The following ZNF541 variants were observed in gnomAD, a reference collection of about 807,000 sequenced individuals.
ZNF541 encodes the protein zinc finger protein 541.
Under a neutral mutation model 123.5 loss-of-function variants are expected in ZNF541, and 23 were observed. That is an observed-to-expected ratio of 0.19 (90% CI 0.13 to 0.26). The LOEUF (loss-of-function observed/expected upper bound fraction) is 0.26. Among genes scored for constraint, ZNF541 ranks in the 10% least tolerant of loss-of-function variants. The probability of loss-of-function intolerance (pLI) is 1.00; values close to 1 mark genes in which losing one functional copy is unlikely to be tolerated. For synonymous variants in ZNF541, 751 were observed against 754.5 expected (o/e 1.00, Z 0.08); for missense variants, 1,612 against 1,789.9 (o/e 0.90, Z 1.79).
chr19:47,565,288 T>G (rs1971219371), intron 2 of ZNF541, among the ~76,000 whole-genome samples: 1 of 151,354 alleles, frequency 6.6e-6, no homozygotes, highest in Non-Finnish European at 1.5e-5. Flanking sequence ...TACCACCTGT[T>G]CCCCCAAAAT....
In ZNF541 at chr19:47,545,977, G is replaced by T; in HGVS notation, c.552C>A (p.Thr184=). The T allele has an allele frequency of 1.4e-6, 2 of 1,466,862 alleles. No individual in the cohort carries two copies. The highest frequency in any genetic ancestry group is 1.4e-5 in the African/African-American group (1 of 70,760). The allele number at this position is 1,466,862 out of a possible 1,614,324, so 90.9% of individuals were successfully genotyped here. Residue 184 remains threonine, a synonymous_variant, in exon 5 of 17, where the codon ACC becomes ACA. Transcript: ENST00000391901. This position sits in a 1 kb window ranked among gnomAD's most constrained non-coding sequence, Gnocchi z 7.5. ...SKAFKRQDHL[T]GHMLTHQKTK... The stretch of plus-strand genomic sequence containing the variant: ...TCTTCTGGTGGGTGAGCATGTGCCC[G>T]GTCCTGGAGCCAGACACAAGCAGGG...
At chr19:47,526,006 A>G (rs1408150675) in intron 14 of ZNF541, among the ~76,000 whole-genome samples, 1 of 152,024 alleles carries the variant, frequency 6.6e-6, no homozygotes, top group Non-Finnish European at 1.5e-5. Flanking sequence ...TAGATACAAC[A>G]CCAAAAGCAC....
At chr19:47,552,639 A>C (rs2123251734) in intron 3 of ZNF541, among the ~76,000 whole-genome samples, 1 of 141,924 alleles carries the variant, frequency 7.0e-6, no homozygotes, top group South Asian at 2.3e-4. Flanking sequence ...GCTACTAGGG[A>C]GGCTGAGGCA....
intron 4 of ZNF541, among the ~76,000 whole-genome samples, chr19:47,548,877 A>G (rs949677477): frequency 4.6e-5 from 7 of 152,142 alleles, no homozygotes; most frequent in Non-Finnish European, 1.0e-4. Context: ...GGAGTTCAAG[A>G]TCAGCCTGGC....
intron 5 of ZNF541, among the ~76,000 whole-genome samples, chr19:47,541,723 C>G (rs974491002): frequency 1.3e-5 from 2 of 152,198 alleles, no homozygotes; most frequent in Non-Finnish European, 2.9e-5. Flanking sequence ...TCACACCCGC[C>G]AGGGTAGTTA....
chr19:47,540,158 C>T lies in ZNF541; in HGVS notation c.2622+18G>A, dbSNP rs1453227992. The T allele has an allele frequency of 1.3e-6, 2 of 1,545,324 alleles. No homozygotes were observed. The highest frequency in any genetic ancestry group is 2.0e-5 in the Admixed American group (1 of 50,376). On this transcript the variant is annotated intron_variant, in intron 7 of 16. Coordinates refer to ENST00000391901, the MANE Select transcript of ZNF541 (RefSeq NM_001277075.3). ...CAGAAACCCAGTAACCACCAAGCCA[C>T]TGGTCGTCCCCCTTCACCTGCGGTT...
At chr19:47,554,155 A>G (rs1331129220) in intron 3 of ZNF541, among the ~76,000 whole-genome samples, 1 of 152,234 alleles carries the variant, frequency 6.6e-6, no homozygotes, top group East Asian at 1.9e-4. Context: ...AAGTGAGGTC[A>G]GGTGTGGTGG....
intron 2 of ZNF541, among the ~76,000 whole-genome samples, chr19:47,564,315 C>A (rs1568523023): frequency 6.6e-6 from 1 of 152,220 alleles, no homozygotes; most frequent in Non-Finnish European, 1.5e-5. Flanking sequence ...GTCCAAAGGC[C>A]ATGCCTTGAT....
chr19:47,521,262 C>T lies in ZNF541; in HGVS notation c.4003G>A (p.Glu1335Lys), dbSNP rs1400209786. 3.2e-6 allele frequency: 5 copies of T among 1,551,780 alleles called. No individual in the cohort carries two copies. Among genetic ancestry groups the T allele is most frequent in the East Asian group, 2.4e-5 (1 of 40,928 alleles). ...GGGCCGATGTCAGCTCCCAGCTCCT[C>T]TTCCTTTAGCTGGAAGGGCTTCACT... ...WPVKPFQLKE[E>K]ELGADIGPLQ... Residue 1335 changes from glutamate (E) to lysine (K), a missense_variant, in exon 17 of 17, where the codon GAG (glutamate) becomes AAG (lysine). Glu to Lys is a moderately conservative substitution (Grantham distance 56, BLOSUM62 1). Around this residue, in one of 5 missense-constraint regions of ZNF541, gnomAD observed 30 missense variants for 48.9 expected, o/e 0.61. Transcript: ENST00000391901. The surrounding 1 kb of genome is among the most constrained non-coding windows in gnomAD (Gnocchi z 4.2).
intron 4 of ZNF541, among the ~76,000 whole-genome samples, chr19:47,548,167 G>C (rs138713781): frequency 6.6e-6 from 1 of 150,886 alleles, no homozygotes; most frequent in East Asian, 1.9e-4. Context: ...AGCTGGGGCC[G>C]GGTGCGGTGG....
intron 2 of ZNF541, among the ~76,000 whole-genome samples, chr19:47,559,607 T>C (rs189990913): frequency 1.3e-5 from 2 of 152,078 alleles, no homozygotes; most frequent in East Asian, 1.9e-4. Flanking sequence ...CGCAGCACTT[T>C]AGGAGGCCGA....
Position 47,544,471 on chromosome 19 carries a change from G to A in ZNF541, c.2058C>T (p.Thr686=), listed in dbSNP as rs1420450464. 1.9e-6 allele frequency: 3 copies of A among 1,551,616 alleles called. No individual in the cohort carries two copies. In the African/African-American group the frequency reaches 4.1e-5, roughly 21 times the overall value. Residue 686 remains threonine (T), a synonymous_variant, in exon 5 of 17, where the codon ACC becomes ACT. Coordinates refer to ENST00000391901, the MANE Select transcript of ZNF541 (RefSeq NM_001277075.3). Reference sequence around the variant, plus strand: ...AGGGGAAGATGTCCTCCAGGTCCAAGGTCCCTTTAGAGGATCGCAGCTGCT... The same window carrying A: ...AGGGGAAGATGTCCTCCAGGTCCAAAGTCCCTTTAGAGGATCGCAGCTGCT... ...LAKQLRSSKG[T]LDLEDIFPST... is the part of the protein sequence containing the mutation.
Position 47,545,463 on chromosome 19 carries a change from T to C in ZNF541, c.1066A>G (p.Arg356Gly). 1.4e-6 allele frequency: 2 copies of C among 1,476,918 alleles called. No homozygotes were observed. Among genetic ancestry groups the C allele is most frequent in the South Asian group, 2.8e-5 (2 of 72,314 alleles). The allele number at this position is 1,476,918 out of a possible 1,614,324, so 91.5% of individuals were successfully genotyped here. Residue 356 changes from arginine to glycine, a missense_variant, in exon 5 of 17, where the codon AGG becomes GGG. Arg to Gly is a moderately radical substitution (Grantham distance 125, BLOSUM62 -2). Transcript: ENST00000391901. This position sits in a 1 kb window ranked among gnomAD's most constrained non-coding sequence, Gnocchi z 7.5. ...ATDVFTAPNS[R>G]AAENGAPDPP... ...TCGGGGGCGCCGTTCTCGGCGGCCC[T>C]GGAATTAGGGGCTGTGAACACGTCA... is the stretch of plus-strand genomic sequence containing the variant.
At chr19:47,522,764 T>G (rs1288218345) in intron 14 of ZNF541, among the ~76,000 whole-genome samples, 4 of 122,008 alleles carry the variant, frequency 3.3e-5, no homozygotes, top group African/African-American at 1.3e-4. Context: ...TTTTTTTTTT[T>G]GAGACAGAAT....
chr19:47,526,890 G>A (rs1044841669), intron 14 of ZNF541, among the ~76,000 whole-genome samples: 1 of 152,124 alleles, frequency 6.6e-6, no homozygotes, highest in Non-Finnish European at 1.5e-5. Flanking sequence ...TGTTCATAAC[G>A]AATTTATTTA....
At position 47,532,916 on chromosome 19, in the gene ZNF541, T is replaced by C. The variant is rs1306370871; in HGVS notation, c.3151A>G (p.Ile1051Val). The part of the protein sequence containing the change: ...CVVKDDTKIS[I>V]EPHINIGSRF... ...GGAAAGGACCCAACTTACGGCTCAA[T>C]GCTGATTTTGGTGTCATCCTTCACC... Residue 1051 changes from isoleucine to valine, a missense_variant, in exon 10 of 17, where the codon ATT becomes GTT. Around this residue, in one of 5 missense-constraint regions of ZNF541, gnomAD observed 285 missense variants for 407.3 expected, o/e 0.70. Coordinates refer to ENST00000391901, the MANE Select transcript of ZNF541 (RefSeq NM_001277075.3). 1.3e-6 allele frequency: 2 copies of C among 1,550,460 alleles called. No individual in the cohort carries two copies. The highest frequency in any genetic ancestry group is 1.4e-5 in the African/African-American group (1 of 72,968).
intron 3 of ZNF541, among the ~76,000 whole-genome samples, chr19:47,551,182 G>C (rs1163265410): frequency 6.6e-6 from 1 of 151,676 alleles, no homozygotes; most frequent in Non-Finnish European, 1.5e-5. Flanking sequence ...TGGGACTACA[G>C]GTACCTGCCA....
chr19:47,559,423 A>C (rs923336517), intron 2 of ZNF541, among the ~76,000 whole-genome samples: 10 of 151,886 alleles, frequency 6.6e-5, no homozygotes, highest in Admixed American at 2.6e-4. Flanking sequence ...GAAGGAAAGA[A>C]AGACAGACTC....
chr19:47,542,807 G>A (rs1054953622), intron 5 of ZNF541, among the ~76,000 whole-genome samples: 3 of 152,028 alleles, frequency 2.0e-5, no homozygotes, highest in Non-Finnish European at 4.4e-5. Flanking sequence ...TTAGCCAGAT[G>A]TGGTGGCGCA....
Sources: allele counts gnomAD v4.1 joint callset (sites outside exome capture counted in the v4.1 genomes callset), GRCh38; gene constraint gnomAD v4.1.1; regional missense constraint gnomAD v4.1.1; non-coding constraint Gnocchi (gnomAD v3.1); transcripts MANE v1.5; gene names NCBI Gene and HGNC (gene_info 2026-07-23, HGNC 2026-07-21).